TTC28: variants seen among roughly 807,000 people sequenced by gnomAD.
TTC28 encodes the protein tetratricopeptide repeat domain 28.
A neutral mutation model predicts 198.0 loss-of-function variants in TTC28; 61 were observed. The ratio of observed to expected loss-of-function variants is 0.31; its 90% CI spans 0.25 to 0.38. The LOEUF (loss-of-function observed/expected upper bound fraction) is 0.38, where lower values mean the gene tolerates loss of function less well. TTC28 is among the 10% of genes least tolerant of loss of function. The pLI is 1.00. For synonymous variants in TTC28, 1,171 were observed against 1,297.8 expected, an observed-to-expected ratio of 0.90 and a Z score of 2.10; for missense variants, 2,678 against 3,164.0, an observed-to-expected ratio of 0.85 and a Z score of 3.69.
rs1022903975 is a variant in TTC28, at chr22:28,173,201, T to C, written c.934-9602A>G. 2.8e-4 allele frequency among the ~76,000 whole-genome samples: 42 copies of C among 152,218 alleles called. 1 individual carries two copies. Among genetic ancestry groups the C allele is most frequent in the Non-Finnish European group, 7.3e-5 (5 of 68,030 alleles). On this transcript the variant is annotated intron_variant, in intron 5 of 22. Coordinates refer to ENST00000397906, the MANE Select transcript of TTC28 (RefSeq NM_001145418.2). ...GGCAAATAACATGTGATGATACTTA[T>C]CAGCTAAGTGAATCACAAATTAATC...
At chr22:28,397,022 G>A (rs1167244012) in intron 2 of TTC28, among the ~76,000 whole-genome samples, 1 of 151,982 alleles carries the variant, frequency 6.6e-6, no homozygotes, top group African/African-American at 2.4e-5. Flanking sequence ...CTGGCTGTGT[G>A]GCAAACTAAT....
chr22:28,412,789 G>A (rs183301723), intron 2 of TTC28, among the ~76,000 whole-genome samples: 4 of 152,304 alleles, frequency 2.6e-5, no homozygotes, highest in African/African-American at 7.2e-5. Context: ...ACAGAAAAGG[G>A]AGGAAATGGG....
chr22:28,066,129 T>C (rs894572949), intron 12 of TTC28, among the ~76,000 whole-genome samples: 1 of 152,216 alleles, frequency 6.6e-6, no homozygotes, highest in Non-Finnish European at 1.5e-5. Flanking sequence ...TCTATTTTTT[T>C]TTCCAGCCTT....
In TTC28 at chr22:27,982,799, A is replaced by G. The variant is rs1312296493; in HGVS notation, c.6868T>C (p.Tyr2290His). 3.9e-6 allele frequency: 6 copies of G among 1,543,744 alleles called. No individual in the cohort carries two copies. Among genetic ancestry groups the G allele is most frequent in the Non-Finnish European group, 5.3e-6 (6 of 1,142,114 alleles). Residue 2290 changes from tyrosine to histidine, a missense_variant, in exon 23 of 23, where the codon TAC (tyrosine) becomes CAC (histidine). Transcript: ENST00000397906. The surrounding 1 kb of genome is among the most constrained non-coding windows in gnomAD (Gnocchi z 5.2). Reference sequence around the variant, plus strand: ...TGAGCGCTGTAAGGAGAGCTGGGGTACTTCAGTTTAAAGAGAGGCTGGTCC... The same window carrying G: ...TGAGCGCTGTAAGGAGAGCTGGGGTGCTTCAGTTTAAAGAGAGGCTGGTCC... ...QLDQPLFKLK[Y>H]PSSPYSAHIS... is the part of the protein sequence containing the mutation.
At chr22:28,276,840 T>A (rs772836491) in intron 5 of TTC28, among the ~76,000 whole-genome samples, 1 of 152,184 alleles carries the variant, frequency 6.6e-6, no homozygotes, top group African/African-American at 2.4e-5. Flanking sequence ...CTGATCAACA[T>A]AGTTAACTCC....
chr22:28,209,233 G>C (rs573143944), intron 5 of TTC28, among the ~76,000 whole-genome samples: 1 of 152,206 alleles, frequency 6.6e-6, no homozygotes, highest in Non-Finnish European at 1.5e-5. Flanking sequence ...CAGCATGAGC[G>C]ACACAGAAGA....
chr22:28,308,299 T>C (rs972699409), intron 2 of TTC28, among the ~76,000 whole-genome samples: 2 of 152,210 alleles, frequency 1.3e-5, no homozygotes, highest in African/African-American at 4.8e-5. Context: ...GGCAACAGTA[T>C]ATTCCAACTA....
intron 6 of TTC28, among the ~76,000 whole-genome samples, chr22:28,121,461 G>C (rs995574056): frequency 1.3e-5 from 2 of 152,278 alleles, no homozygotes; most frequent in South Asian, 2.1e-4. Flanking sequence ...TTACAGCAAC[G>C]AGTGAGGACA....
rs191903851 is a variant in TTC28, at chr22:28,441,249, G to T, written c.382-134606C>A. Among the ~76,000 whole-genome samples, 84 of 152,280 alleles carry T rather than the reference G, an allele frequency of 5.5e-4. 1 individual carries two copies. Among genetic ancestry groups the T allele is most frequent in the South Asian group, 3.1e-3 (15 of 4,830 alleles). ...ATTGGGTAAAATAGAAAAAGCAGAC[G>T]TTTATGAATGTAGAGTTTGCAGACA... On this transcript the variant is annotated intron_variant, in intron 2 of 22. Transcript: ENST00000397906.
intron 12 of TTC28, among the ~76,000 whole-genome samples, chr22:28,043,698 CCT>C (rs1422787953): frequency 6.6e-6 from 1 of 152,134 alleles, no homozygotes; most frequent in Admixed American, 6.5e-5. Context: ...TAGAAATCCC[CCT>C]CTTTGGATTA....
At chr22:28,221,549 G>C (rs921637458) in intron 5 of TTC28, among the ~76,000 whole-genome samples, 9 of 152,094 alleles carry the variant, frequency 5.9e-5, no homozygotes, top group African/African-American at 2.2e-4. Flanking sequence ...CCACAGTATG[G>C]TATGAACCCC....
intron 5 of TTC28, among the ~76,000 whole-genome samples, chr22:28,261,127 T>A (rs1931291280): frequency 6.6e-6 from 1 of 152,138 alleles, no homozygotes; most frequent in Admixed American, 6.6e-5. Flanking sequence ...TAGGCTCTCT[T>A]GATTCCTCCC....
chr22:28,314,193 C>T (rs976420227), intron 2 of TTC28, among the ~76,000 whole-genome samples: 2 of 152,156 alleles, frequency 1.3e-5, no homozygotes, highest in Non-Finnish European at 2.9e-5. Context: ...CTACAAACTA[C>T]TGCTCATGGA....
intron 1 of TTC28, among the ~76,000 whole-genome samples, chr22:28,656,977 T>C (rs1190281970): frequency 6.6e-6 from 1 of 152,144 alleles, no homozygotes; most frequent in East Asian, 1.9e-4. Context: ...ACTGTTTAAA[T>C]AGTGCTTACG....
chr22:28,647,792 TC>T (rs2051494386), intron 1 of TTC28, among the ~76,000 whole-genome samples: 1 of 151,560 alleles, frequency 6.6e-6, no homozygotes, highest in East Asian at 2.0e-4. Flanking sequence ...TGAGCCAAGA[TC>T]GAGCCACTGC....
intron 6 of TTC28, among the ~76,000 whole-genome samples, chr22:28,154,133 A>C (rs1317529205): frequency 2.0e-5 from 3 of 152,164 alleles, no homozygotes; most frequent in Non-Finnish European, 4.4e-5. Context: ...AGTAAATAAG[A>C]TTCATGGTTT....
chr22:28,569,844 G>A (rs2050033899), intron 2 of TTC28, among the ~76,000 whole-genome samples: 1 of 152,084 alleles, frequency 6.6e-6, no homozygotes, highest in East Asian at 1.9e-4. Context: ...GATCTATAAG[G>A]AACTTAAATC....
intron 5 of TTC28, among the ~76,000 whole-genome samples, chr22:28,277,425 T>A (rs2044492818): frequency 6.6e-6 from 1 of 152,218 alleles, no homozygotes; most frequent in Non-Finnish European, 1.5e-5. Flanking sequence ...GGATCATCTG[T>A]ATCAGTGAAT....
At chr22:28,270,328 A>C (rs150474822) in intron 5 of TTC28, among the ~76,000 whole-genome samples, 2 of 152,084 alleles carry the variant, frequency 1.3e-5, no homozygotes, top group East Asian at 3.9e-4. Flanking sequence ...TCAGGGTTAC[A>C]TTCATGCTAA....
Sources: gnomAD v4.1 joint callset for allele counts (sites outside exome capture counted in the v4.1 genomes callset) on GRCh38, gnomAD v4.1.1 for gene constraint, Gnocchi (gnomAD v3.1) non-coding constraint, MANE v1.5 for transcripts, NCBI Gene and HGNC (gene_info 2026-07-23, HGNC 2026-07-21) for gene names.